SCAI: variants seen among roughly 807,000 people sequenced by gnomAD.
SCAI encodes suppressor of cancer cell invasion.
SCAI carries 24 observed loss-of-function variants against 92.2 expected under a neutral mutation model. That is an observed-to-expected ratio of 0.26 (90% CI 0.19 to 0.37). The LOEUF (loss-of-function observed/expected upper bound fraction) is 0.37, where lower values mean the gene tolerates loss of function less well. SCAI is among the 10% of genes least tolerant of loss of function. The pLI is 1.00. For synonymous variants in SCAI, 261 were observed against 258.6 expected, an observed-to-expected ratio of 1.01 and a Z score of -0.09; for missense variants, 450 against 736.2, an observed-to-expected ratio of 0.61 and a Z score of 4.50.
rs1440761922 is a variant in SCAI at position 124,948,779 on chromosome 9, CAG to C, written c.*4026_*4027del. 6.6e-6 allele frequency: 1 copy of C among 152,210 alleles called. No individual in the cohort carries two copies. The allele number at this position is 152,210 out of a possible 1,614,324, so 9.4% of individuals were successfully genotyped here. On this transcript the variant is annotated 3_prime_UTR_variant, in exon 18 of 18. Coordinates refer to ENST00000336505, the MANE Select transcript of SCAI (RefSeq NM_001144877.3). Reference sequence around the variant, plus strand: ...ATAGTTAAGAGAGATGAGAGACTATCAGAATCTCCAGGGACAGTTTGTGCAAT... The same window carrying C: ...ATAGTTAAGAGAGATGAGAGACTATCAATCTCCAGGGACAGTTTGTGCAAT...
intron 2 of SCAI, among the ~76,000 whole-genome samples, chr9:125,076,550 CAAAA>C (rs1281685678): frequency 2.0e-5 from 3 of 149,070 alleles, no homozygotes; most frequent in African/African-American, 7.4e-5. Flanking sequence ...TTCCAAAAAA[CAAAA>C]AAAGAAAGAA....
intron 14 of SCAI, among the ~76,000 whole-genome samples, chr9:124,983,496 G>A (rs1422227620): frequency 6.6e-6 from 1 of 152,172 alleles, no homozygotes; most frequent in African/African-American, 2.4e-5. Context: ...GGGATTACAG[G>A]CATGTGCCAC....
Position 124,952,620 on chromosome 9 carries a change from T to G in SCAI, c.*187A>C, listed in dbSNP as rs1564354658. On this transcript the variant is annotated 3_prime_UTR_variant, in exon 18 of 18. Transcript: ENST00000336505. ...TCCAAGGTTAAGATTTTAAAAGACC[T>G]GAAAGGTTGCATTTTAAAACAGTTA... is the stretch of plus-strand genomic sequence containing the variant. The G allele has an allele frequency of 1.0e-5, 5 of 492,616 alleles. No individual in the cohort carries two copies. Among genetic ancestry groups the G allele is most frequent in the African/African-American group, 4.0e-5 (2 of 50,328 alleles). 30.5% of individuals were successfully genotyped at this position (492,616 alleles called of 1,614,324 possible).
intron 2 of SCAI, among the ~76,000 whole-genome samples, chr9:125,069,603 C>T (rs1433486707): frequency 1.3e-5 from 2 of 149,614 alleles, no homozygotes; most frequent in Admixed American, 1.3e-4. Context: ...CAGGCGTCAG[C>T]CATTGCACCC....
chr9:124,956,054 TAAC>T (rs1831310797), intron 17 of SCAI, among the ~76,000 whole-genome samples: 1 of 152,144 alleles, frequency 6.6e-6, no homozygotes, highest in Admixed American at 6.6e-5. Context: ...GCTATCCTGA[TAAC>T]AAAACCACAT....
At chr9:125,004,329 CTTTT>C (rs563470435) in intron 9 of SCAI, among the ~76,000 whole-genome samples, 4 of 134,340 alleles carry the variant, frequency 3.0e-5, no homozygotes, top group Admixed American at 2.2e-4. Flanking sequence ...AGCCCAAATT[CTTTT>C]TTTTTTTTTT....
At chr9:125,003,381 CT>C in intron 10 of SCAI, 87 bp downstream of exon 10, 1 of 1,031,254 alleles carries the variant, frequency 9.7e-7, no homozygotes, top group Non-Finnish European at 1.5e-6. Flanking sequence ...TTATTCAAGG[CT>C]GTAGTATCTG....
intron 2 of SCAI, among the ~76,000 whole-genome samples, chr9:125,100,694 A>C (rs544726682): frequency 1.3e-5 from 2 of 152,178 alleles, no homozygotes; most frequent in Non-Finnish European, 2.9e-5. Context: ...GATGGTGATA[A>C]GTGCTCTGGA....
At position 125,130,675 on chromosome 9, in the gene SCAI, G is replaced by A. The variant is rs963768379; in HGVS notation, c.98+11958C>T. Among the ~76,000 whole-genome samples the A allele has an allele frequency of 2.6e-5, 4 of 151,196 alleles. No individual in the cohort carries two copies. In the East Asian group the frequency reaches 5.8e-4, roughly 22 times the overall value. On this transcript the variant is annotated intron_variant, in intron 2 of 17. Coordinates refer to ENST00000336505, the MANE Select transcript of SCAI (RefSeq NM_001144877.3). ...ACTACAGCTGCACACCACCAATCCC[G>A]GCTAATTTTTTTTTTTTTTGTCTTT...
At chr9:125,083,077 A>G (rs1291274845) in intron 2 of SCAI, among the ~76,000 whole-genome samples, 2 of 152,152 alleles carry the variant, frequency 1.3e-5, no homozygotes, top group Non-Finnish European at 2.9e-5. Context: ...GTGTTGTGGG[A>G]GGGACCCGGA....
At chr9:125,138,414 C>T (rs1421465976) in intron 2 of SCAI, among the ~76,000 whole-genome samples, 1 of 151,560 alleles carries the variant, frequency 6.6e-6, no homozygotes, top group Non-Finnish European at 1.5e-5. Flanking sequence ...CGCTACCACG[C>T]CCAGCCAATT....
At chr9:125,064,894 C>A (rs1262421903) in intron 2 of SCAI, among the ~76,000 whole-genome samples, 3 of 151,954 alleles carry the variant, frequency 2.0e-5, no homozygotes, top group Admixed American at 6.6e-5. Context: ...TAAGAAATAT[C>A]CATGTAAATA....
intron 3 of SCAI, among the ~76,000 whole-genome samples, chr9:125,040,751 G>C (rs973209345): frequency 3.3e-5 from 5 of 151,952 alleles, no homozygotes. Context: ...TCAGCCTCCT[G>C]AGTAGATGGG....
At chr9:125,019,018 C>T (rs1172016913) in intron 8 of SCAI, 67 bp from the exon 9 acceptor site, 2 of 1,547,708 alleles carry the variant, frequency 1.3e-6, no homozygotes, top group Non-Finnish European at 1.8e-6. Context: ...TAAGCTATTC[C>T]TTCTTCTTGA....
chr9:125,030,576 A>C (rs1035766401), intron 3 of SCAI, among the ~76,000 whole-genome samples: 5 of 152,240 alleles, frequency 3.3e-5, no homozygotes, highest in African/African-American at 9.6e-5. Flanking sequence ...TAATAGGAGT[A>C]CGTTATTGCC....
At chr9:125,133,907 A>G (rs894714640) in intron 2 of SCAI, among the ~76,000 whole-genome samples, 1 of 152,188 alleles carries the variant, frequency 6.6e-6, no homozygotes, top group Non-Finnish European at 1.5e-5. Context: ...GATGTGTAGC[A>G]GTATATCTGG....
At chr9:125,109,714 TCTCA>T (rs1330779320) in intron 2 of SCAI, among the ~76,000 whole-genome samples, 1 of 152,108 alleles carries the variant, frequency 6.6e-6, no homozygotes, top group Non-Finnish European at 1.5e-5. Flanking sequence ...TGAGGCACAG[TCTCA>T]CTCTGTCTCC....
intron 2 of SCAI, among the ~76,000 whole-genome samples, chr9:125,081,625 T>G (rs1029466379): frequency 2.6e-5 from 4 of 152,140 alleles, no homozygotes; most frequent in Non-Finnish European, 5.9e-5. Context: ...CAGGCTGGAG[T>G]GCAATGGCAC....
intron 2 of SCAI, among the ~76,000 whole-genome samples, chr9:125,081,401 G>A (rs1834215160): frequency 6.6e-6 from 1 of 152,196 alleles, no homozygotes; most frequent in Non-Finnish European, 1.5e-5. Flanking sequence ...AGGAACTGGA[G>A]CAAAGGCAAC....
Sources: allele counts gnomAD v4.1 joint callset (sites outside exome capture counted in the v4.1 genomes callset), GRCh38; gene constraint gnomAD v4.1.1; transcripts MANE v1.5; gene names NCBI Gene and HGNC (gene_info 2026-07-23, HGNC 2026-07-21).